The following TMTC2 variants were observed in gnomAD, a reference collection of about 807,000 sequenced individuals.
TMTC2 encodes protein O-mannosyl-transferase TMTC2.
In TMTC2, 43 loss-of-function variants were observed where a neutral mutation model predicts 82.4. The ratio of observed to expected loss-of-function variants is 0.52; its 90% CI spans 0.41 to 0.67. The LOEUF (loss-of-function observed/expected upper bound fraction) is 0.67, where lower values mean the gene tolerates loss of function less well. TMTC2 is among the 30% of genes least tolerant of loss of function. The pLI, the probability that TMTC2 is intolerant of heterozygous loss-of-function variation, is 0.00. For missense variants in TMTC2, 919 were observed against 1,012.4 expected, an observed-to-expected ratio of 0.91 and a Z score of 1.25; for synonymous variants, 408 against 381.9, an observed-to-expected ratio of 1.07 and a Z score of -0.80.
chr12:82,968,605 G>A (rs2137309333), intron 7 of TMTC2, among the ~76,000 whole-genome samples: 1 of 152,178 alleles, frequency 6.6e-6, no homozygotes, highest in Middle Eastern at 3.4e-3. Context: ...AAGATTCTTG[G>A]CAACAGACTG....
At chr12:83,084,658 T>G (rs375550486) in intron 11 of TMTC2, among the ~76,000 whole-genome samples, 5 of 152,220 alleles carry the variant, frequency 3.3e-5, no homozygotes, top group Non-Finnish European at 7.3e-5. Context: ...ATTCAAAACA[T>G]GTTTTCCTGT....
intron 11 of TMTC2, among the ~76,000 whole-genome samples, chr12:83,062,912 C>T (rs1246123435): frequency 1.3e-5 from 2 of 151,776 alleles, no homozygotes; most frequent in South Asian, 2.1e-4. Context: ...CTCAACGCCT[C>T]GAAGTTTTAT....
intron 9 of TMTC2, among the ~76,000 whole-genome samples, chr12:83,032,311 A>T (rs1275078764): frequency 7.0e-6 from 1 of 142,324 alleles, no homozygotes. Flanking sequence ...GTCACAATCC[A>T]TTTCTTTAAA....
intron 1 of TMTC2, among the ~76,000 whole-genome samples, chr12:82,805,953 G>A (rs1265631516): frequency 6.6e-6 from 1 of 152,080 alleles, no homozygotes; most frequent in East Asian, 1.9e-4. Context: ...GGAATACTGA[G>A]ATGAATGATA....
At chr12:82,722,242 T>C (rs1874239092) in intron 1 of TMTC2, among the ~76,000 whole-genome samples, 3 of 151,782 alleles carry the variant, frequency 2.0e-5, no homozygotes, top group South Asian at 2.1e-4. Context: ...TCCCCTAAAA[T>C]TGTGAAAGAA....
At chr12:82,904,987 T>C (rs1172160926) in intron 3 of TMTC2, among the ~76,000 whole-genome samples, 1 of 151,686 alleles carries the variant, frequency 6.6e-6, no homozygotes, top group East Asian at 1.9e-4. Flanking sequence ...TGTTTCTTTT[T>C]TTTTTTTTTT....
At chr12:82,824,771 T>A (rs1299361993) in intron 1 of TMTC2, among the ~76,000 whole-genome samples, 1 of 152,116 alleles carries the variant, frequency 6.6e-6, no homozygotes, top group Non-Finnish European at 1.5e-5. Context: ...TCCATGGGAG[T>A]ATTTTCAGGA....
chr12:82,884,881 T>C (rs910748759), intron 2 of TMTC2, among the ~76,000 whole-genome samples: 2 of 152,084 alleles, frequency 1.3e-5, no homozygotes, highest in Non-Finnish European at 2.9e-5. Flanking sequence ...GCATGTGAGT[T>C]TTTCAGACTT....
intron 1 of TMTC2, among the ~76,000 whole-genome samples, chr12:82,729,758 C>CG (rs1292683973): frequency 6.6e-6 from 1 of 152,164 alleles, no homozygotes; most frequent in Non-Finnish European, 1.5e-5. Context: ...CCGCAGGGGC[C>CG]GTTTTCCGTG....
At chr12:82,911,857 G>T (rs117983886) in intron 3 of TMTC2, among the ~76,000 whole-genome samples, 1 of 152,072 alleles carries the variant, frequency 6.6e-6, no homozygotes, top group Non-Finnish European at 1.5e-5. Context: ...TGATCTGACC[G>T]CATAGGCCTC....
intron 1 of TMTC2, among the ~76,000 whole-genome samples, chr12:82,717,176 T>G (rs1873939898): frequency 6.6e-6 from 1 of 151,892 alleles, no homozygotes; most frequent in Non-Finnish European, 1.5e-5. Context: ...CCAAGACAAA[T>G]GTATTATCTG....
At chr12:82,702,666 C>A (rs1873140009) in intron 1 of TMTC2, among the ~76,000 whole-genome samples, 1 of 152,176 alleles carries the variant, frequency 6.6e-6, no homozygotes, top group Non-Finnish European at 1.5e-5. Flanking sequence ...GTGGCTCACA[C>A]ATGTAATCTC....
intron 1 of TMTC2, among the ~76,000 whole-genome samples, chr12:82,782,606 A>G (rs1363508443): frequency 6.6e-6 from 1 of 152,142 alleles, no homozygotes; most frequent in Non-Finnish European, 1.5e-5. Flanking sequence ...CACTTTGGAG[A>G]GCTGATTACA....
At position 82,774,861 on chromosome 12, in the gene TMTC2, A is replaced by T. The variant is rs576945104; in HGVS notation, c.84-82149A>T. On this transcript the variant is annotated intron_variant, in intron 1 of 11. Transcript: ENST00000321196. ...CGTTTGCTGCCTGTCATTTTTCTGC[A>T]GTTTGCTCACACGGCCACAACCAGC... 3.7e-4 allele frequency among the ~76,000 whole-genome samples: 56 copies of T among 151,994 alleles called. 1 individual carries two copies. Among genetic ancestry groups the T allele is most frequent in the African/African-American group, 1.3e-3 (54 of 41,490 alleles).
chr12:83,025,296 G>C (rs1881113375), intron 8 of TMTC2, among the ~76,000 whole-genome samples: 1 of 151,574 alleles, frequency 6.6e-6, no homozygotes, highest in African/African-American at 2.4e-5. Flanking sequence ...TAGAAGAAAA[G>C]GTAAAGATTT....
intron 11 of TMTC2, among the ~76,000 whole-genome samples, chr12:83,079,956 A>T (rs992775067): frequency 1.3e-5 from 2 of 152,276 alleles, no homozygotes; most frequent in African/African-American, 4.8e-5. Context: ...GGCCTTGAGG[A>T]TGGAATTATT....
In TMTC2 at chr12:82,857,414, G is replaced by C. The variant is rs1340150698; in HGVS notation, c.488G>C (p.Gly163Ala). Residue 163 changes from glycine (G) to alanine (A), a missense_variant, in exon 2 of 12, where the codon GGC becomes GCC. By Grantham distance (60) the Gly-to-Ala change is moderately conservative (BLOSUM62 0). Coordinates refer to ENST00000321196, the MANE Select transcript of TMTC2 (RefSeq NM_152588.3). ...TACATTAAACACTGTTCTACAAGAG[G>C]CTACTCAGCCAGAACCTGGGGCTGG... ...LCYIKHCSTR[G>A]YSARTWGWFL... The C allele has an allele frequency of 6.2e-7, 1 of 1,614,204 alleles. No homozygotes were observed. The highest frequency in any genetic ancestry group is 1.1e-5 in the South Asian group (1 of 91,076).
At chr12:83,016,605 A>G (rs530525839) in intron 8 of TMTC2, among the ~76,000 whole-genome samples, 14 of 152,350 alleles carry the variant, frequency 9.2e-5, no homozygotes, top group African/African-American at 3.4e-4. Context: ...AATGCCAGGC[A>G]TATAGTAGGT....
Position 82,774,220 on chromosome 12 carries a change from T to C in TMTC2, c.84-82790T>C, listed in dbSNP as rs542295887. Among the ~76,000 whole-genome samples the C allele has an allele frequency of 3.9e-5, 6 of 152,298 alleles. No homozygotes were observed. In the South Asian group the frequency reaches 1.2e-3, roughly 32 times the overall value. On this transcript the variant is annotated intron_variant, in intron 1 of 11. Coordinates refer to ENST00000321196, the MANE Select transcript of TMTC2 (RefSeq NM_152588.3). ...ATATATGTACACGTGTACACAAATG[T>C]ATATGTGTATATATGTGTATGTGTG... is the stretch of plus-strand genomic sequence containing the variant.
Sources: gnomAD v4.1 joint callset for allele counts (sites outside exome capture counted in the v4.1 genomes callset) on GRCh38, gnomAD v4.1.1 for gene constraint, MANE v1.5 for transcripts, NCBI Gene and HGNC (gene_info 2026-07-23, HGNC 2026-07-21) for gene names.